The following SUMO3 variants were observed in gnomAD, a reference collection of about 807,000 sequenced individuals.
SUMO3 encodes small ubiquitin-related modifier 3.
A neutral mutation model predicts 11.1 loss-of-function variants in SUMO3; 2 were observed. The ratio of observed to expected loss-of-function variants is 0.18; its 90% confidence interval spans 0.07 to 0.57. The LOEUF (loss-of-function observed/expected upper bound fraction) is 0.57. Ranked by LOEUF, SUMO3 falls within the 20% of genes least tolerant of loss-of-function variation. The pLI is 0.92. For synonymous variants in SUMO3, 56 were observed against 53.5 expected (o/e 1.05, Z -0.20); for missense variants, 70 against 132.8 (o/e 0.53, Z 2.32).
chr21:44,817,385 G>C (rs1173381979), intron 1 of SUMO3, among the ~76,000 whole-genome samples: 1 of 152,022 alleles, frequency 6.6e-6, no homozygotes, highest in Non-Finnish European at 1.5e-5. Flanking sequence ...GAATACCGGG[G>C]TCGCGATGGG....
intron 1 of SUMO3, among the ~76,000 whole-genome samples, chr21:44,815,853 G>T (rs570241787): frequency 6.6e-6 from 1 of 152,336 alleles, no homozygotes; most frequent in East Asian, 1.9e-4. Flanking sequence ...AAGTGAACTC[G>T]TGAGTTAAAA....
chr21:44,817,647 G>T (rs886113665), intron 1 of SUMO3, among the ~76,000 whole-genome samples: 18 of 151,166 alleles, frequency 1.2e-4, no homozygotes, highest in African/African-American at 4.1e-4. Flanking sequence ...AGCAGCGCGG[G>T]GCCCGACACC....
intron 3 of SUMO3, chr21:44,808,606 T>G: frequency 7.3e-7 from 1 of 1,370,946 alleles, no homozygotes; most frequent in Non-Finnish European, 9.5e-7. Flanking sequence ...CATGTCTGCA[T>G]GTGCCTGAGA....
At chr21:44,808,118 G>A (rs2083188508) in intron 3 of SUMO3, among the ~76,000 whole-genome samples, 1 of 152,158 alleles carries the variant, frequency 6.6e-6, no homozygotes, top group African/African-American at 2.4e-5. Flanking sequence ...TTCCATTTAT[G>A]GACAGACAAA....
At position 44,811,427 on chromosome 21, in the gene SUMO3, C is replaced by T. The variant is rs992656711; in HGVS notation, c.151-2309G>A. 6.6e-6 allele frequency among the ~76,000 whole-genome samples: 1 copy of T among 152,024 alleles called. No homozygotes were observed. Among genetic ancestry groups the T allele is most frequent in the African/African-American group, 2.4e-5 (1 of 41,382 alleles). ...CATCTCCACAAAATAAAAAAATGAG[C>T]CAGGCGTGGTGGCGTGTACCTGGAG... On this transcript the variant is annotated intron_variant, in intron 2 of 3. Transcript: ENST00000332859. The surrounding 1 kb of genome is among the most constrained non-coding windows in gnomAD (Gnocchi z 5.0).
Position 44,805,674 on chromosome 21 carries a change from C to A in SUMO3, c.*1277G>T, listed in dbSNP as rs1039720980. 7 of 152,666 alleles carry A rather than the reference C, an allele frequency of 4.6e-5. No homozygotes were observed. Among genetic ancestry groups the A allele is most frequent in the African/African-American group, 1.7e-4 (7 of 41,532 alleles). 9.5% of individuals were successfully genotyped at this position (152,666 alleles called of 1,614,324 possible). On this transcript the variant is annotated 3_prime_UTR_variant, in exon 4 of 4. Coordinates refer to ENST00000332859, the MANE Select transcript of SUMO3 (RefSeq NM_006936.3). ...GTAGTAAAGGACAACAAATAATGTA[C>A]AAATTGGTGAATAAACACAACAGAG...
chr21:44,817,287 C>T (rs1023179529), intron 1 of SUMO3, among the ~76,000 whole-genome samples: 1 of 117,438 alleles, frequency 8.5e-6, no homozygotes, highest in Admixed American at 8.6e-5. Context: ...TAGGTGCACA[C>T]TGAGGGCACG....
chr21:44,809,692 A>T (rs2083199300), intron 2 of SUMO3, among the ~76,000 whole-genome samples: 1 of 152,228 alleles, frequency 6.6e-6, no homozygotes, highest in South Asian at 2.1e-4. Context: ...GTCAGCCAGG[A>T]GGTCTCTGAG....
At position 44,818,028 on chromosome 21, in the gene SUMO3, C is replaced by T; in HGVS notation, c.-60G>A. 1 of 1,158,306 alleles carries T rather than the reference C, an allele frequency of 8.6e-7. No homozygotes were observed. The highest frequency in any genetic ancestry group is 1.1e-6 in the Non-Finnish European group (1 of 936,184). 71.8% of individuals were successfully genotyped at this position (1,158,306 alleles called of 1,614,324 possible). On this transcript the variant is annotated 5_prime_UTR_variant, in exon 1 of 4. The change creates a new upstream start codon in the 5' untranslated region. Coordinates refer to ENST00000332859, the MANE Select transcript of SUMO3 (RefSeq NM_006936.3). ...GAAGCAGCGCGGAGCGGGCGAGTCA[C>T]GCTCTCGGCCCCGCCGCTCTCCCGC...
intron 2 of SUMO3, 111 bp downstream of exon 2, chr21:44,813,864 CG>C (rs2083227593): frequency 6.3e-7 from 1 of 1,581,042 alleles, no homozygotes; most frequent in East Asian, 2.3e-5. Flanking sequence ...GAGGGCACCT[CG>C]GGCAGCTGCA....
intron 3 of SUMO3, chr21:44,808,503 A>C (rs1400986474): frequency 6.9e-7 from 1 of 1,446,246 alleles, no homozygotes; most frequent in African/African-American, 1.5e-5. Flanking sequence ...CAACAAAGCG[A>C]GACTCCGTCT....
intron 2 of SUMO3, chr21:44,813,614 A>C: frequency 1.7e-6 from 1 of 571,440 alleles, no homozygotes; most frequent in Non-Finnish European, 3.1e-6. Flanking sequence ...GGCACACGCC[A>C]CCTGCAGCCC....
Position 44,818,055 on chromosome 21 carries a change from G to T in SUMO3, c.-87C>A. ...CTCTCGGCCCCGCCGCTCTCCCGCC[G>T]CAACTGTGCGCGGGGCCGCGCTTTA... On this transcript the variant is annotated 5_prime_UTR_variant, in exon 1 of 4. Coordinates refer to ENST00000332859, the MANE Select transcript of SUMO3 (RefSeq NM_006936.3). 2.0e-5 allele frequency: 21 copies of T among 1,053,182 alleles called. No individual in the cohort carries two copies. The highest frequency in any genetic ancestry group is 2.5e-5 in the Non-Finnish European group (21 of 843,518). 65.2% of individuals were successfully genotyped at this position (1,053,182 alleles called of 1,614,324 possible).
At position 44,810,486 on chromosome 21, in the gene SUMO3, C is replaced by A. The variant is rs968315893; in HGVS notation, c.151-1368G>T. Among the ~76,000 whole-genome samples, 4 of 142,002 alleles carry A rather than the reference C, an allele frequency of 2.8e-5. No individual in the cohort carries two copies. Among genetic ancestry groups the A allele is most frequent in the African/African-American group, 1.1e-4 (4 of 36,240 alleles). The allele number at this position is 142,002 out of a possible 152,430, so 93.2% of individuals were successfully genotyped here. On this transcript the variant is annotated intron_variant, in intron 2 of 3. Transcript: ENST00000332859. The surrounding 1 kb of genome is among the most constrained non-coding windows in gnomAD (Gnocchi z 4.1). ...GACCCCCACAACCCTGTGCCTCCCA[C>A]GGCAGCACACATGAGATGTGCTTTC...
At chr21:44,808,454 A>G in intron 3 of SUMO3, 1 of 1,402,522 alleles carries the variant, frequency 7.1e-7, no homozygotes, top group East Asian at 2.8e-5. Context: ...CAGAGCTTGC[A>G]CAGTGAGCTG....
At chr21:44,813,925 C>T in intron 2 of SUMO3, 51 bp downstream of exon 2, 1 of 1,602,764 alleles carries the variant, frequency 6.2e-7, no homozygotes, top group Non-Finnish European at 8.5e-7. Flanking sequence ...CTGGAACGCA[C>T]AGGACCAGTG....
intron 2 of SUMO3, 34 bp downstream of exon 2, chr21:44,813,942 C>G: frequency 6.2e-7 from 1 of 1,605,236 alleles, no homozygotes; most frequent in South Asian, 1.1e-5. Flanking sequence ...AGTGCGCACA[C>G]GGGGAGGCTC....
At position 44,807,103 on chromosome 21, in the gene SUMO3, A is replaced by G. The variant is rs983302559; in HGVS notation, c.223-63T>C. On this transcript the variant is annotated intron_variant, in intron 3 of 3. Coordinates refer to ENST00000332859, the MANE Select transcript of SUMO3 (RefSeq NM_006936.3). This position sits in a 1 kb window ranked among gnomAD's most constrained non-coding sequence, Gnocchi z 4.3. ...GGGAGCCTGTTAGTTTTCATCAGAGAGTGGGAAGATCCTCACTGGCATGAG... is the reference window on the plus strand; with the variant it reads ...GGGAGCCTGTTAGTTTTCATCAGAGGGTGGGAAGATCCTCACTGGCATGAG... The G allele has an allele frequency of 8.7e-5, 139 of 1,589,342 alleles. No homozygotes were observed. The highest frequency in any genetic ancestry group is 5.1e-5 in the Non-Finnish European group (60 of 1,165,558).
chr21:44,809,916 G>A (rs1203259860), intron 2 of SUMO3, among the ~76,000 whole-genome samples: 1 of 152,160 alleles, frequency 6.6e-6, no homozygotes, highest in African/African-American at 2.4e-5. Context: ...AAGCCGAGTA[G>A]AACTTCTACA....
Sources: allele counts gnomAD v4.1 joint callset (sites outside exome capture counted in the v4.1 genomes callset), GRCh38; gene constraint gnomAD v4.1.1; non-coding constraint Gnocchi (gnomAD v3.1); transcripts MANE v1.5; gene names NCBI Gene and HGNC (gene_info 2026-07-23, HGNC 2026-07-21).